Variants in ADAMTS18 observed in about 807,000 individuals in gnomAD.
ADAMTS18 encodes ADAM metallopeptidase with thrombospondin type 1 motif 18, also known as A disintegrin and metalloproteinase with thrombospondin motifs 18.
Under a neutral mutation model 165.9 loss-of-function variants are expected in ADAMTS18, and 157 were observed. That is an observed-to-expected ratio of 0.95 (90% CI 0.83 to 1.08). The LOEUF (loss-of-function observed/expected upper bound fraction) is 1.08. Ranked by LOEUF, ADAMTS18 falls within the 50% of genes least tolerant of loss-of-function variation. The pLI, the probability that ADAMTS18 is intolerant of heterozygous loss-of-function variation, is 0.00. For missense variants in ADAMTS18, 2,040 were observed against 1,534.0 expected (o/e 1.33, Z -5.51); for synonymous variants, 782 against 578.2 (o/e 1.35, Z -5.06).
chr16:77,391,682 T>C (rs1198797842), intron 3 of ADAMTS18, among the ~76,000 whole-genome samples: 1 of 152,128 alleles, frequency 6.6e-6, no homozygotes, highest in Non-Finnish European at 1.5e-5. Flanking sequence ...TATAATCTGC[T>C]GGGGTTAGAA....
chr16:77,351,227 C>T (rs2056551157), intron 10 of ADAMTS18, among the ~76,000 whole-genome samples: 1 of 152,194 alleles, frequency 6.6e-6, no homozygotes, highest in Non-Finnish European at 1.5e-5. Context: ...ACCACCCTAC[C>T]TTCTCCATTA....
chr16:77,378,487 G>A (rs2144765672), intron 3 of ADAMTS18, among the ~76,000 whole-genome samples: 1 of 152,224 alleles, frequency 6.6e-6, no homozygotes, highest in South Asian at 2.1e-4. Context: ...GGCTGAGGCA[G>A]GTGGATCACT....
At chr16:77,341,627 AG>A in intron 11 of ADAMTS18, 76 bp downstream of exon 11, 1 of 1,150,066 alleles carries the variant, frequency 8.7e-7, no homozygotes, top group South Asian at 1.3e-5. Context: ...ATTCACCCTA[AG>A]GTCACAATAC....
intron 20 of ADAMTS18, 28 bp from the exon 21 acceptor site, chr16:77,291,506 G>A: frequency 6.2e-7 from 1 of 1,606,914 alleles, no homozygotes; most frequent in Non-Finnish European, 8.5e-7. Flanking sequence ...ATGTGTAAAA[G>A]TGAAGACTGC....
chr16:77,354,698 G>T (rs576053250), intron 9 of ADAMTS18, among the ~76,000 whole-genome samples: 1 of 152,302 alleles, frequency 6.6e-6, no homozygotes, highest in South Asian at 2.1e-4. Flanking sequence ...CATAAAGGTT[G>T]TTACACAGTT....
chr16:77,323,923 T>G (rs1048667852), intron 13 of ADAMTS18, among the ~76,000 whole-genome samples: 1 of 152,224 alleles, frequency 6.6e-6, no homozygotes, highest in Admixed American at 6.5e-5. Flanking sequence ...GTTGCATGCA[T>G]GAATGAAATT....
chr16:77,349,524 T>TA (rs767997537), intron 10 of ADAMTS18, among the ~76,000 whole-genome samples: 8,483 of 71,370 alleles, frequency 0.12, 732 homozygotes, highest in African/African-American at 0.16. Context: ...TCATCTTATG[T>TA]AAAAAAAAAA....
At chr16:77,388,590 A>T (rs1390656681) in intron 3 of ADAMTS18, among the ~76,000 whole-genome samples, 1 of 152,194 alleles carries the variant, frequency 6.6e-6, no homozygotes, top group African/African-American at 2.4e-5. Flanking sequence ...CAGAATGAGG[A>T]TAAATGAAGG....
At chr16:77,430,804 G>A (rs988761283) in intron 3 of ADAMTS18, among the ~76,000 whole-genome samples, 1 of 152,216 alleles carries the variant, frequency 6.6e-6, no homozygotes, top group African/African-American at 2.4e-5. Flanking sequence ...CTAAAAGGAT[G>A]TCTTATGTGA....
intron 10 of ADAMTS18, among the ~76,000 whole-genome samples, chr16:77,350,675 A>G (rs2056542861): frequency 6.6e-6 from 1 of 152,138 alleles, no homozygotes. Context: ...AAGACTGTCT[A>G]ACTCAGCGAC....
In ADAMTS18 at chr16:77,320,087, T is replaced by C. The variant is rs1356535513; in HGVS notation, c.2294A>G (p.Tyr765Cys). The part of the protein sequence containing the change: ...YLNQHKANEY[Y>C]PVVLIPAGAR... Reference sequence around the variant, plus strand: ...GCCAGCTGGAATGAGGACCACCGGATAATATTCTAAATGGAAAGAAGAGAA... The same window carrying C: ...GCCAGCTGGAATGAGGACCACCGGACAATATTCTAAATGGAAAGAAGAGAA... Residue 765 changes from tyrosine to cysteine, a missense_variant, in exon 16 of 23, where the codon TAT (tyrosine) becomes TGT (cysteine). Transcript: ENST00000282849. 2.5e-6 allele frequency: 4 copies of C among 1,613,962 alleles called. No individual in the cohort carries two copies. The highest frequency in any genetic ancestry group is 1.3e-5 in the African/African-American group (1 of 74,898).
chr16:77,379,392 G>A (rs192654452), intron 3 of ADAMTS18, among the ~76,000 whole-genome samples: 9 of 152,224 alleles, frequency 5.9e-5, no homozygotes, highest in South Asian at 2.1e-4. Context: ...CTATTGCTGG[G>A]AGAACTAAGC....
At chr16:77,322,307 T>A (rs752639859) in intron 14 of ADAMTS18, 29 bp downstream of exon 14, 1 of 1,612,008 alleles carries the variant, frequency 6.2e-7, no homozygotes. Context: ...AGCATGCTCA[T>A]ACACTCCAAA....
intron 13 of ADAMTS18, among the ~76,000 whole-genome samples, 170 bp downstream of exon 13, chr16:77,325,696 A>C (rs1284806524): frequency 2.6e-5 from 4 of 151,544 alleles, no homozygotes; most frequent in Admixed American, 6.6e-5. Flanking sequence ...AAAAAACAAC[A>C]GTGGAAAAAT....
rs1037622733 is a variant in ADAMTS18, at chr16:77,283,968, T to G, written c.3654A>C (p.Thr1218=). The part of the protein sequence containing the change: ...FYGKQCCKSC[T]RKI ...GAGGACACCAAGATCAGATCTTCCT[T>G]GTGCATGACTTGCAGCATTGTTTTC... is the stretch of plus-strand genomic sequence containing the variant. The change falls in exon 23 of 23, where the codon ACA becomes ACC. Residue 1218 remains threonine, a synonymous_variant. Transcript: ENST00000282849. 10 of 1,613,714 alleles carry G rather than the reference T, an allele frequency of 6.2e-6. No homozygotes were observed. Among genetic ancestry groups the G allele is most frequent in the Non-Finnish European group, 8.5e-6 (10 of 1,179,694 alleles).
chr16:77,391,766 G>A (rs1281495752), intron 3 of ADAMTS18, among the ~76,000 whole-genome samples: 1 of 152,096 alleles, frequency 6.6e-6, no homozygotes, highest in African/African-American at 2.4e-5. Flanking sequence ...AGAAAGAAAA[G>A]GTATTGTTTT....
intron 3 of ADAMTS18, among the ~76,000 whole-genome samples, chr16:77,387,378 C>T (rs532353078): frequency 2.9e-4 from 44 of 152,216 alleles, no homozygotes; most frequent in Admixed American, 9.8e-4. Context: ...ATCGCTGTCA[C>T]GGGATAAATT....
chr16:77,314,193 T>G (rs940855727), intron 16 of ADAMTS18, among the ~76,000 whole-genome samples: 1 of 151,998 alleles, frequency 6.6e-6, no homozygotes, highest in Non-Finnish European at 1.5e-5. Flanking sequence ...ATGATGGGAG[T>G]TAACTCAACG....
At chr16:77,404,224 T>A (rs1256428508) in intron 3 of ADAMTS18, among the ~76,000 whole-genome samples, 1 of 152,200 alleles carries the variant, frequency 6.6e-6, no homozygotes, top group Non-Finnish European at 1.5e-5. Context: ...AACTGACTTC[T>A]GCATTTCTGC....
Sources: allele counts gnomAD v4.1 joint callset (sites outside exome capture counted in the v4.1 genomes callset), GRCh38; gene constraint gnomAD v4.1.1; transcripts MANE v1.5; gene names NCBI Gene and HGNC (gene_info 2026-07-23, HGNC 2026-07-21).